Variants in BRD8 observed in about 807,000 individuals in gnomAD.
BRD8 encodes the protein bromodomain containing 8, also known as bromodomain-containing protein 8.
A neutral mutation model predicts 143.1 loss-of-function variants in BRD8; 67 were observed. The ratio of observed to expected loss-of-function variants is 0.47; its 90% confidence interval spans 0.38 to 0.57. BRD8 has a LOEUF of 0.57. Among genes scored for constraint, BRD8 ranks in the 20% least tolerant of loss-of-function variants. The probability of loss-of-function intolerance (pLI) is 0.00; values close to 1 mark genes in which losing one functional copy is unlikely to be tolerated. For missense variants in BRD8, 1,103 were observed against 1,503.0 expected (o/e 0.73, Z 4.40); for synonymous variants, 505 against 517.1 (o/e 0.98, Z 0.32).
chr5:138,167,435 T>C lies in BRD8; in HGVS notation c.787+499A>G, dbSNP rs143374569. ...CATTCAAATACCAATAAGGTTTGTA[T>C]GGTATTCTATGGAGCTTTTTTTATT... On this transcript the variant is annotated intron_variant, in intron 9 of 26. Transcript: ENST00000254900. Among the ~76,000 whole-genome samples the C allele has an allele frequency of 3.7e-3, 561 of 152,304 alleles. 2 individuals are homozygous for C. The highest frequency in any genetic ancestry group is 0.013 in the African/African-American group (533 of 41,558).
intron 20 of BRD8, chr5:138,156,900 T>A: frequency 9.1e-7 from 1 of 1,104,546 alleles, no homozygotes; most frequent in Non-Finnish European, 1.1e-6. Flanking sequence ...TTTTTTTCAG[T>A]TTATTGTATA....
intron 2 of BRD8, among the ~76,000 whole-genome samples, chr5:138,174,953 G>A (rs1316999541): frequency 2.7e-5 from 4 of 149,826 alleles, no homozygotes; most frequent in Admixed American, 1.3e-4. Context: ...GCAGTGGCAC[G>A]ATCTCAAATC....
chr5:138,141,658 T>G (rs1751914369), intron 25 of BRD8, among the ~76,000 whole-genome samples: 1 of 152,238 alleles, frequency 6.6e-6, no homozygotes, highest in African/African-American at 2.4e-5. Flanking sequence ...TTACAATGTA[T>G]AGTCATATAT....
In BRD8 at chr5:138,172,097, G is replaced by C; in HGVS notation, c.154C>G (p.Pro52Ala). ...VSRAIKPFAE[P>A]GRPPDWFSQK... ...GAGAACCAGTCTGGAGGGCGGCCAG[G>C]TTCTGCAAAGGGCTTGATTGCTCTG... The change falls in exon 3 of 27, where the codon CCT becomes GCT. Residue 52 changes from proline to alanine, a missense_variant. Pro to Ala is a conservative substitution (Grantham distance 27). This residue lies in a region of BRD8 where 69 missense variants were observed against 121.6 expected (regional missense o/e 0.57). Transcript: ENST00000254900. 2 of 1,613,652 alleles carry C rather than the reference G, an allele frequency of 1.2e-6. No individual in the cohort carries two copies. Among genetic ancestry groups the C allele is most frequent in the Non-Finnish European group, 1.7e-6 (2 of 1,179,886 alleles).
At chr5:138,169,965 A>T (rs182779390) in intron 7 of BRD8, among the ~76,000 whole-genome samples, 1 of 152,218 alleles carries the variant, frequency 6.6e-6, no homozygotes, top group Non-Finnish European at 1.5e-5. Context: ...GCCTGGGGGA[A>T]AAACAAAAAA....
At chr5:138,173,397 CAA>C (rs34972519) in intron 2 of BRD8, among the ~76,000 whole-genome samples, 73 of 141,826 alleles carry the variant, frequency 5.1e-4, no homozygotes, top group Middle Eastern at 3.5e-3. Flanking sequence ...GACTCCATCT[CAA>C]AAAAAAAAAA....
chr5:138,142,989 T>C (rs962699387), intron 25 of BRD8, among the ~76,000 whole-genome samples: 7 of 151,186 alleles, frequency 4.6e-5, no homozygotes, highest in African/African-American at 1.7e-4. Flanking sequence ...TATTTTATTA[T>C]AATAAAAATA....
Sources: gnomAD v4.1 joint callset for allele counts (sites outside exome capture counted in the v4.1 genomes callset) on GRCh38, gnomAD v4.1.1 for gene constraint, gnomAD v4.1.1 regional missense constraint, MANE v1.5 for transcripts, NCBI Gene and HGNC (gene_info 2026-07-23, HGNC 2026-07-21) for gene names.